The following EXT2 variants were observed in gnomAD, a reference collection of about 807,000 sequenced individuals.
EXT2 encodes exostosin-2.
Under a neutral mutation model 81.6 loss-of-function variants are expected in EXT2, and 53 were observed. The ratio of observed to expected loss-of-function variants is 0.65; its 90% CI spans 0.52 to 0.82. The LOEUF (loss-of-function observed/expected upper bound fraction) is 0.82. Among genes scored for constraint, EXT2 ranks in the 40% least tolerant of loss-of-function variants. The pLI is 0.00. For synonymous variants in EXT2, 320 were observed against 340.0 expected, an observed-to-expected ratio of 0.94 and a Z score of 0.65; for missense variants, 774 against 910.2, an observed-to-expected ratio of 0.85 and a Z score of 1.93.
In EXT2 at chr11:44,232,359, C is replaced by A. The variant is rs768532662; in HGVS notation, c.1669C>A (p.Arg557=). 3.2e-5 allele frequency: 52 copies of A among 1,613,696 alleles called. No individual in the cohort carries two copies. The highest frequency in any genetic ancestry group is 4.0e-5 in the Non-Finnish European group (47 of 1,179,880). The stretch of plus-strand genomic sequence containing the variant: ...ATTATGTGTCTGTCCTTAGGTCTGG[C>A]GGGAATTTCCTGACCGGTTGGTGGG... ...DELQFGYEVW[R]EFPDRLVGYP... The change falls in exon 11 of 14, where the codon CGG becomes AGG. Residue 557 remains arginine, a synonymous_variant. Coordinates refer to ENST00000533608, the MANE Select transcript of EXT2 (RefSeq NM_207122.2).
intron 10 of EXT2, among the ~76,000 whole-genome samples, chr11:44,216,338 G>A (rs1044699179): frequency 2.0e-5 from 3 of 152,192 alleles, no homozygotes; most frequent in African/African-American, 7.2e-5. Flanking sequence ...TCTGTAAGGT[G>A]TGATTCCGTA....
At chr11:44,234,396 T>A (rs1352945084) in intron 12 of EXT2, among the ~76,000 whole-genome samples, 153 bp downstream of exon 12, 1 of 152,194 alleles carries the variant, frequency 6.6e-6, no homozygotes, top group East Asian at 1.9e-4. Context: ...GCGGTCACAT[T>A]GGGAAATTGA....
chr11:44,196,975 T>G (rs1955462607), intron 8 of EXT2, among the ~76,000 whole-genome samples: 1 of 152,338 alleles, frequency 6.6e-6, no homozygotes, highest in Admixed American at 6.5e-5. Flanking sequence ...CCTGGAGGAC[T>G]TCACTGTAAG....
Position 44,218,793 on chromosome 11 carries a change from C to CTTTTT in EXT2, c.1662+11852_1662+11856dup, listed in dbSNP as rs11368525. Reference sequence around the variant, plus strand: ...GTAAGAGATTATAGAATCTGCAATTCTTTTTTTTTTTTTTTTTTTTTTGAG... The same window carrying CTTTTT: ...GTAAGAGATTATAGAATCTGCAATTCTTTTTTTTTTTTTTTTTTTTTTTTTTTGAG... On this transcript the variant is annotated intron_variant, in intron 10 of 13. Transcript: ENST00000533608. 6.4e-4 allele frequency among the ~76,000 whole-genome samples: 59 copies of CTTTTT among 92,294 alleles called. 2 individuals are homozygous for CTTTTT. The highest frequency in any genetic ancestry group is 9.7e-4 in the Admixed American group (6 of 6,174). 60.5% of individuals were successfully genotyped at this position (92,294 alleles called of 152,430 possible).
intron 10 of EXT2, among the ~76,000 whole-genome samples, chr11:44,221,192 C>A (rs1275312021): frequency 6.6e-6 from 1 of 152,130 alleles, no homozygotes; most frequent in Non-Finnish European, 1.5e-5. Flanking sequence ...CCAAATAAGC[C>A]CATTCCATTG....
chr11:44,102,511 C>T (rs887416711), intron 1 of EXT2, among the ~76,000 whole-genome samples: 39 of 151,244 alleles, frequency 2.6e-4, no homozygotes, highest in African/African-American at 9.5e-4. Context: ...TACTTGCACT[C>T]CTGTCTTTGT....
intron 7 of EXT2, among the ~76,000 whole-genome samples, chr11:44,134,326 C>T (rs1397143898): frequency 5.9e-5 from 9 of 152,080 alleles, no homozygotes; most frequent in Admixed American, 4.6e-4. Context: ...AATCTTTGAT[C>T]CCCATTCACA....
At position 44,108,122 on chromosome 11, in the gene EXT2, T is replaced by C. The variant is rs1266998683; in HGVS notation, c.410T>C (p.Ile137Thr). ...GAGTATAATGAACTGCTCATGGCCA[T>C]CTCAGACAGTGACTACTACACTGAT... is the stretch of plus-strand genomic sequence containing the variant. ...SREYNELLMA[I>T]SDSDYYTDDI... Residue 137 changes from isoleucine (I) to threonine (T), a missense_variant, in exon 2 of 14, where the codon ATC becomes ACC. Around this residue, in one of 2 missense-constraint regions of EXT2, gnomAD observed 626 missense variants for 670.5 expected, o/e 0.93. Transcript: ENST00000533608. 3.7e-6 allele frequency: 6 copies of C among 1,614,174 alleles called. No homozygotes were observed. The highest frequency in any genetic ancestry group is 4.2e-6 in the Non-Finnish European group (5 of 1,180,032).
chr11:44,171,925 T>TA, intron 8 of EXT2, 183 bp downstream of exon 8: 2 of 819,854 alleles, frequency 2.4e-6, no homozygotes, highest in South Asian at 3.2e-5. Flanking sequence ...AAGTAAAAAA[T>TA]ACGGAAGCAG....
intron 10 of EXT2, among the ~76,000 whole-genome samples, chr11:44,229,139 A>T (rs946209836): frequency 3.5e-4 from 54 of 152,232 alleles, no homozygotes; most frequent in African/African-American, 1.3e-3. Flanking sequence ...CATTGGTGTG[A>T]CTTGAACAGG....
intron 3 of EXT2, among the ~76,000 whole-genome samples, chr11:44,113,734 G>T (rs1954178606): frequency 6.6e-6 from 1 of 152,140 alleles, no homozygotes; most frequent in Non-Finnish European, 1.5e-5. Flanking sequence ...ATACTTTCTG[G>T]CCACCACTGC....
chr11:44,233,098 A>C (rs1955918479), intron 11 of EXT2, among the ~76,000 whole-genome samples: 1 of 152,200 alleles, frequency 6.6e-6, no homozygotes, highest in South Asian at 2.1e-4. Context: ...ATCAAAGGGC[A>C]TGAATATTTT....
At chr11:44,102,646 C>G (rs1177809956) in intron 1 of EXT2, among the ~76,000 whole-genome samples, 1 of 151,490 alleles carries the variant, frequency 6.6e-6, no homozygotes, top group Admixed American at 6.6e-5. Flanking sequence ...TGTCAGCTCC[C>G]TCTTCCTTCT....
At chr11:44,124,187 A>G (rs1002641065) in intron 4 of EXT2, among the ~76,000 whole-genome samples, 1 of 152,096 alleles carries the variant, frequency 6.6e-6, no homozygotes, top group African/African-American at 2.4e-5. Context: ...TTCAACTACC[A>G]ATTCGGTCTC....
Position 44,219,114 on chromosome 11 carries a change from T to G in EXT2, c.1662+12155T>G, listed in dbSNP as rs72903962. 5.7e-3 allele frequency among the ~76,000 whole-genome samples: 867 copies of G among 152,212 alleles called. 2 individuals carry two copies. The highest frequency in any genetic ancestry group is 0.01 in the Non-Finnish European group (689 of 68,002). ...CTGCACCCGGCCTAGAATCTGCAAT[T>G]CTAAATAAATGATCCCACTTTTTCT... On this transcript the variant is annotated intron_variant, in intron 10 of 13. Coordinates refer to ENST00000533608, the MANE Select transcript of EXT2 (RefSeq NM_207122.2).
chr11:44,147,722 A>C (rs1214582799), intron 7 of EXT2, among the ~76,000 whole-genome samples: 1 of 35,116 alleles, frequency 2.8e-5, no homozygotes, highest in Non-Finnish European at 5.6e-5. Context: ...CACCACCCCC[A>C]GCTAATTTTT....
At chr11:44,128,042 A>G (rs1229242142) in intron 6 of EXT2, among the ~76,000 whole-genome samples, 1 of 152,134 alleles carries the variant, frequency 6.6e-6, no homozygotes, top group Non-Finnish European at 1.5e-5. Flanking sequence ...CTTGCCTCAA[A>G]TGCTTACTGG....
chr11:44,148,740 G>A (rs1156658248), intron 7 of EXT2, among the ~76,000 whole-genome samples: 2 of 152,198 alleles, frequency 1.3e-5, no homozygotes, highest in Non-Finnish European at 2.9e-5. Context: ...AGATGCCACA[G>A]TTAACAGACA....
chr11:44,196,601 G>A (rs190993039), intron 8 of EXT2, among the ~76,000 whole-genome samples: 5 of 152,078 alleles, frequency 3.3e-5, no homozygotes, highest in African/African-American at 1.2e-4. Flanking sequence ...CGACTGACAG[G>A]ACCAACCAGG....
Sources: allele counts gnomAD v4.1 joint callset (sites outside exome capture counted in the v4.1 genomes callset), GRCh38; gene constraint gnomAD v4.1.1; regional missense constraint gnomAD v4.1.1; transcripts MANE v1.5; gene names NCBI Gene and HGNC (gene_info 2026-07-23, HGNC 2026-07-21).